PLCE1: variants seen among roughly 807,000 people sequenced by gnomAD.
PLCE1 encodes phospholipase C epsilon 1, also known as 1-phosphatidylinositol 4,5-bisphosphate phosphodiesterase epsilon-1.
PLCE1 carries 119 observed loss-of-function variants against 242.8 expected under a neutral mutation model. That is an observed-to-expected ratio of 0.49 (90% CI 0.42 to 0.57). PLCE1 has a LOEUF of 0.57. PLCE1 is among the 20% of genes least tolerant of loss of function. The pLI, the probability that PLCE1 is intolerant of heterozygous loss-of-function variation, is 0.00. For missense variants in PLCE1, 2,441 were observed against 2,788.8 expected (o/e 0.88, Z 2.81); for synonymous variants, 945 against 1,017.4 (o/e 0.93, Z 1.35).
At chr10:94,097,335 G>C (rs1050565394) in intron 2 of PLCE1, among the ~76,000 whole-genome samples, 1 of 152,110 alleles carries the variant, frequency 6.6e-6, no homozygotes, top group Non-Finnish European at 1.5e-5. Context: ...ATTAGGACCT[G>C]TGCTGAAGAA....
chr10:94,182,432 ATT>A (rs569973730), intron 4 of PLCE1, among the ~76,000 whole-genome samples: 57 of 138,170 alleles, frequency 4.1e-4, no homozygotes, highest in Middle Eastern at 3.6e-3. Context: ...CCCTTGGATA[ATT>A]TTTTTTTTTT....
At chr10:94,187,943 C>G (rs1255574337) in intron 4 of PLCE1, among the ~76,000 whole-genome samples, 1 of 152,040 alleles carries the variant, frequency 6.6e-6, no homozygotes, top group East Asian at 1.9e-4. Context: ...CCTACAACCC[C>G]CTCTTCTTTT....
intron 13 of PLCE1, among the ~76,000 whole-genome samples, chr10:94,260,153 C>T (rs557764676): frequency 6.6e-5 from 10 of 152,284 alleles, no homozygotes; most frequent in African/African-American, 2.4e-4. Context: ...CAGTGGAGAA[C>T]CCCCAGTCTC....
At chr10:94,147,220 G>C (rs1310706813) in intron 3 of PLCE1, among the ~76,000 whole-genome samples, 2 of 152,020 alleles carry the variant, frequency 1.3e-5, no homozygotes, top group Non-Finnish European at 2.9e-5. Context: ...TCAGGAGTGC[G>C]AGACTAGCCT....
At position 94,286,575 on chromosome 10, in the gene PLCE1, A is replaced by C. The variant is rs72814636; in HGVS notation, c.5035+1610A>C. On this transcript the variant is annotated intron_variant, in intron 22 of 32. Coordinates refer to ENST00000371380, the MANE Select transcript of PLCE1 (RefSeq NM_016341.4). ...TTTAATGATATGATAAAAATCATATATTTCATGATATTAAAATCATTTTAA... is the reference window on the plus strand; with the variant it reads ...TTTAATGATATGATAAAAATCATATCTTTCATGATATTAAAATCATTTTAA... 4.7e-3 allele frequency among the ~76,000 whole-genome samples: 712 copies of C among 152,342 alleles called. 1 individual carries two copies. The highest frequency in any genetic ancestry group is 8.4e-3 in the Non-Finnish European group (572 of 68,032).
At chr10:94,292,408 C>G (rs1158037001) in intron 22 of PLCE1, among the ~76,000 whole-genome samples, 1 of 152,122 alleles carries the variant, frequency 6.6e-6, no homozygotes, top group Non-Finnish European at 1.5e-5. Context: ...GGATCCTCAA[C>G]CAGGTGAGTA....
Position 94,227,306 on chromosome 10 carries a change from G to C in PLCE1, c.1810G>C (p.Val604Leu). Residue 604 changes from valine (V) to leucine (L), a missense_variant and splice_region_variant, in exon 5 of 33, where the codon GTG becomes CTG. By Grantham distance (32) the Val-to-Leu change is conservative. Around this residue, in one of 5 missense-constraint regions of PLCE1, gnomAD observed 733 missense variants for 754.2 expected, o/e 0.97. Coordinates refer to ENST00000371380, the MANE Select transcript of PLCE1 (RefSeq NM_016341.4). ...LEDLVMRFNE[V>L]SSWVTWLILT... ...GTGAATGTCTCTGTGTGTTTTCCAG[G>C]TGAGCTCCTGGGTGACATGGCTGAT... 6.2e-7 allele frequency: 1 copy of C among 1,614,084 alleles called. No individual in the cohort carries two copies. The highest frequency in any genetic ancestry group is 8.5e-7 in the Non-Finnish European group (1 of 1,179,942).
rs1460345194 is a variant in PLCE1, at chr10:94,150,058, A to G, written c.1492+17599A>G. 3.3e-5 allele frequency among the ~76,000 whole-genome samples: 5 copies of G among 152,260 alleles called. No individual in the cohort carries two copies. The East Asian group carries it at 9.7e-4, about 29-fold the overall frequency. Reference sequence around the variant, plus strand: ...TGTGTCTTATGTGTATAAATGACCTATTTACCCATGTTGCTAACTTTCATG... The same window carrying G: ...TGTGTCTTATGTGTATAAATGACCTGTTTACCCATGTTGCTAACTTTCATG... On this transcript the variant is annotated intron_variant, in intron 3 of 32. Coordinates refer to ENST00000371380, the MANE Select transcript of PLCE1 (RefSeq NM_016341.4).
intron 2 of PLCE1, chr10:94,104,753 C>T (rs1009919041): frequency 1.3e-5 from 2 of 152,166 alleles, no homozygotes; most frequent in African/African-American, 2.4e-5. Context: ...GTGCATTTGA[C>T]CTCTCACTCT....
At chr10:94,158,170 A>G (rs895689488) in intron 3 of PLCE1, among the ~76,000 whole-genome samples, 5 of 152,254 alleles carry the variant, frequency 3.3e-5, no homozygotes, top group African/African-American at 1.2e-4. Context: ...TAGCTCACCC[A>G]GGTCAGACTT....
intron 2 of PLCE1, among the ~76,000 whole-genome samples, chr10:94,090,169 T>C (rs940637845): frequency 1.3e-5 from 2 of 151,904 alleles, no homozygotes; most frequent in Non-Finnish European, 2.9e-5. Context: ...CTGTTGCTTT[T>C]CTTAAAAAAA....
At position 94,142,338 on chromosome 10, in the gene PLCE1, G is replaced by A. The variant is rs142226299; in HGVS notation, c.1492+9879G>A. 4.5e-3 allele frequency among the ~76,000 whole-genome samples: 598 copies of A among 132,606 alleles called. 2 individuals carry two copies. Among genetic ancestry groups the A allele is most frequent in the African/African-American group, 0.015 (545 of 36,488 alleles). 87.0% of individuals were successfully genotyped at this position (132,606 alleles called of 152,430 possible). A position where few individuals can be genotyped will look rare whatever the true frequency, so the allele number is the denominator to read the frequency against. On this transcript the variant is annotated intron_variant, in intron 3 of 32. Coordinates refer to ENST00000371380, the MANE Select transcript of PLCE1 (RefSeq NM_016341.4). ...TCAAGACGAGTGTAGGCAACATGGC[G>A]TGATGCTGTCTCAAAAAAAAAAAAA...
chr10:94,255,012 T>C lies in PLCE1; in HGVS notation c.3517T>C (p.Ser1173Pro). The C allele has an allele frequency of 6.2e-7, 1 of 1,614,116 alleles. No individual in the cohort carries two copies. The highest frequency in any genetic ancestry group is 8.5e-7 in the Non-Finnish European group (1 of 1,180,002). ...GTSSPIRPVS[S>P]PVLSSSNKSP... ...GTCATCTCCCATCAGGCCAGTGTCC[T>C]CCCCTGTGCTGTCTTCTTCAAACAA... Residue 1173 changes from serine to proline, a missense_variant, in exon 11 of 33, where the codon TCC becomes CCC. Ser to Pro is a moderately conservative substitution (Grantham distance 74). Transcript: ENST00000371380.
chr10:94,179,161 T>C (rs193097555), intron 4 of PLCE1, among the ~76,000 whole-genome samples: 17 of 152,320 alleles, frequency 1.1e-4, no homozygotes, highest in Admixed American at 4.6e-4. Context: ...ACAGATATTT[T>C]ACTCCAGAAA....
Position 94,332,047 on chromosome 10 carries a change from T to G in PLCE1, c.*4104T>G, listed in dbSNP as rs1014464778. 17 of 152,046 alleles carry G rather than the reference T, an allele frequency of 1.1e-4. No individual in the cohort carries two copies. The highest frequency in any genetic ancestry group is 3.9e-4 in the African/African-American group (16 of 41,368). 9.4% of individuals were successfully genotyped at this position (152,046 alleles called of 1,614,324 possible). On this transcript the variant is annotated 3_prime_UTR_variant, in exon 33 of 33. Coordinates refer to ENST00000371380, the MANE Select transcript of PLCE1 (RefSeq NM_016341.4). Reference sequence around the variant, plus strand: ...CCATGTCCGTCTAATTTTTTTTATTTTCAGTAGAGACGGGGGTTTCACTAT... The same window carrying G: ...CCATGTCCGTCTAATTTTTTTTATTGTCAGTAGAGACGGGGGTTTCACTAT...
At chr10:94,321,160 C>T (rs117363163) in intron 29 of PLCE1, among the ~76,000 whole-genome samples, 1,810 of 152,290 alleles carry the variant, frequency 0.012, 16 homozygotes, top group Middle Eastern at 0.031. Flanking sequence ...GTTCACCCAA[C>T]CTGTCAATTT....
At chr10:94,000,107 G>C (rs1034454180) in intron 1 of PLCE1, among the ~76,000 whole-genome samples, 1 of 152,152 alleles carries the variant, frequency 6.6e-6, no homozygotes. Context: ...GGCTTTTACC[G>C]AGCAGTCCTG....
chr10:94,168,968 A>G (rs1344285282), intron 3 of PLCE1, among the ~76,000 whole-genome samples: 11 of 152,218 alleles, frequency 7.2e-5, no homozygotes, highest in Admixed American at 6.5e-4. Flanking sequence ...GGGGGAGGCC[A>G]TCTAGGGTAG....
intron 1 of PLCE1, among the ~76,000 whole-genome samples, chr10:94,026,992 A>G (rs1055758166): frequency 1.3e-5 from 2 of 152,152 alleles, no homozygotes; most frequent in African/African-American, 4.8e-5. Flanking sequence ...TTTTATTTCT[A>G]TTTTACAGAA....
Sources: gnomAD v4.1 joint callset for allele counts (sites outside exome capture counted in the v4.1 genomes callset) on GRCh38, gnomAD v4.1.1 for gene constraint, gnomAD v4.1.1 regional missense constraint, MANE v1.5 for transcripts, NCBI Gene and HGNC (gene_info 2026-07-23, HGNC 2026-07-21) for gene names.